Variants in CFAP58 observed in about 807,000 individuals in gnomAD.
CFAP58 encodes cilia- and flagella-associated protein 58.
A neutral mutation model predicts 119.5 loss-of-function variants in CFAP58; 88 were observed. The observed-to-expected ratio is 0.74, with a 90% CI of 0.62 to 0.88. The LOEUF (loss-of-function observed/expected upper bound fraction) is 0.88. Ranked by LOEUF, CFAP58 falls within the 40% of genes least tolerant of loss-of-function variation. CFAP58 has a pLI of 0.00. For synonymous variants in CFAP58, 365 were observed against 366.3 expected, an observed-to-expected ratio of 1.00 and a Z score of 0.04; for missense variants, 990 against 1,021.2, an observed-to-expected ratio of 0.97 and a Z score of 0.42.
chr10:104,449,677 G>A (rs1413209456), intron 16 of CFAP58, among the ~76,000 whole-genome samples: 2 of 152,260 alleles, frequency 1.3e-5, no homozygotes, highest in East Asian at 1.9e-4. Flanking sequence ...ACACACTCTG[G>A]TGATGTTTTT....
At chr10:104,361,975 C>G in intron 2 of CFAP58, 48 bp from the exon 3 acceptor site, 3 of 1,575,872 alleles carry the variant, frequency 1.9e-6, no homozygotes, top group Non-Finnish European at 2.6e-6. Flanking sequence ...TATCTTGCAT[C>G]TAGAATCCAG....
chr10:104,384,055 C>T (rs551787966), intron 9 of CFAP58, among the ~76,000 whole-genome samples: 12 of 152,102 alleles, frequency 7.9e-5, no homozygotes, highest in South Asian at 4.2e-4. Flanking sequence ...ATCAGCCCCC[C>T]GAAAGGTTAA....
intron 1 of CFAP58, among the ~76,000 whole-genome samples, chr10:104,355,256 T>C (rs1274083691): frequency 6.6e-6 from 1 of 152,240 alleles, no homozygotes; most frequent in East Asian, 1.9e-4. Flanking sequence ...CAGTCATCTT[T>C]GTTTATTTCA....
intron 15 of CFAP58, among the ~76,000 whole-genome samples, chr10:104,419,819 A>C (rs1211256340): frequency 6.6e-6 from 1 of 152,144 alleles, no homozygotes; most frequent in East Asian, 1.9e-4. Context: ...CAAACACTAC[A>C]TTGTTACCTA....
the CFAP58 span, among the ~76,000 whole-genome samples, chr10:104,342,844 C>CAAA: frequency 0.011 from 540 of 48,502 alleles, 38 homozygotes; most frequent in African/African-American, 0.036. Flanking sequence ...GACCCTGTAT[C>CAAA]AAAAAAAAAA....
intron 15 of CFAP58, among the ~76,000 whole-genome samples, chr10:104,432,606 A>C (rs570310215): frequency 1.3e-5 from 2 of 152,082 alleles, no homozygotes; most frequent in Non-Finnish European, 2.9e-5. Context: ...GGGTTCAAAC[A>C]ATTCTCCTGC....
At chr10:104,391,497 A>T (rs1260335906) in intron 9 of CFAP58, among the ~76,000 whole-genome samples, 1 of 152,144 alleles carries the variant, frequency 6.6e-6, no homozygotes, top group Non-Finnish European at 1.5e-5. Context: ...CTTCTTAAGG[A>T]CTTTTTAAAG....
In CFAP58 at chr10:104,370,985, G is replaced by T. The variant is rs201674161; in HGVS notation, c.1021G>T (p.Glu341Ter). ...AATTCATAAGAAATTGCACCACACC[G>T]AAGATCAAAAGGCAGAAGTCGAACA... ...EQIHKKLHHT[E>*]DQKAEVEQHK... The change falls in exon 7 of 18, where the codon GAA becomes TAA. Residue 341 changes from glutamate (E) to a stop codon, truncating the protein, a stop_gained. Transcript: ENST00000369704. LOFTEE classifies it high-confidence loss of function. 2.5e-6 allele frequency: 4 copies of T among 1,613,370 alleles called. No individual in the cohort carries two copies. In the African/African-American group the frequency reaches 5.3e-5, roughly 22 times the overall value.
rs141893563 is a variant in CFAP58, at chr10:104,441,239, G to A, written c.2257-6459G>A. Among the ~76,000 whole-genome samples the A allele has an allele frequency of 8.5e-5, 13 of 152,330 alleles. No homozygotes were observed. In the East Asian group the frequency reaches 1.7e-3, roughly 20 times the overall value. On this transcript the variant is annotated intron_variant, in intron 15 of 17. Coordinates refer to ENST00000369704, the MANE Select transcript of CFAP58 (RefSeq NM_001008723.2). ...GCTGGTCTCAAACTCCTGATCTCGA[G>A]TGATTTGCCTGCATCGGCCTCCCAA...
chr10:104,358,612 C>T lies in CFAP58; in HGVS notation c.281C>T (p.Ser94Phe), dbSNP rs550239335. ...LSQDDQTTIASLKKEIEKAWK... is the reference protein window; with the variant it reads ...LSQDDQTTIAFLKKEIEKAWK... ...CAGGATGATCAGACCACCATTGCATCCCTAAAGAAGGTCAGTGATCTTCTA... is the reference window on the plus strand; with the variant it reads ...CAGGATGATCAGACCACCATTGCATTCCTAAAGAAGGTCAGTGATCTTCTA... The change falls in exon 2 of 18, where the codon TCC (serine) becomes TTC (phenylalanine). Residue 94 changes from serine to phenylalanine, a missense_variant. By Grantham distance (155) the Ser-to-Phe change is radical. Coordinates refer to ENST00000369704, the MANE Select transcript of CFAP58 (RefSeq NM_001008723.2). The T allele has an allele frequency of 2.5e-6, 4 of 1,608,834 alleles. No homozygotes were observed. Among genetic ancestry groups the T allele is most frequent in the South Asian group, 2.2e-5 (2 of 90,674 alleles).
chr10:104,407,946 T>C (rs1332329693), intron 15 of CFAP58, among the ~76,000 whole-genome samples: 5 of 152,224 alleles, frequency 3.3e-5, no homozygotes, highest in African/African-American at 1.2e-4. Context: ...TCTGCCTGCC[T>C]TGGCCTCCCA....
the CFAP58 span, among the ~76,000 whole-genome samples, chr10:104,348,082 C>A: frequency 5.3e-5 from 8 of 151,082 alleles, no homozygotes; most frequent in East Asian, 1.5e-3. Flanking sequence ...CCACCTTGAC[C>A]CATCAGCTGT....
chr10:104,358,422 T>C lies in CFAP58; in HGVS notation c.91T>C (p.Ser31Pro). 6.2e-7 allele frequency: 1 copy of C among 1,614,062 alleles called. No individual in the cohort carries two copies. The highest frequency in any genetic ancestry group is 8.5e-7 in the Non-Finnish European group (1 of 1,179,976). The change falls in exon 2 of 18, where the codon TCT becomes CCT. Residue 31 changes from serine to proline, a missense_variant. Transcript: ENST00000369704. ...RDFQGVLHEL[S>P]GDKSLEKFRI... ...TTTTCAGGGAGTTCTCCATGAACTT[T>C]CTGGAGACAAAAGTTTGGAAAAATT...
intron 15 of CFAP58, among the ~76,000 whole-genome samples, chr10:104,411,805 T>A (rs904400212): frequency 8.5e-5 from 13 of 152,164 alleles, no homozygotes; most frequent in African/African-American, 2.9e-4. Flanking sequence ...GATAGTTAGG[T>A]TTCCTTGTGG....
At chr10:104,421,432 G>A (rs1199197478) in intron 15 of CFAP58, among the ~76,000 whole-genome samples, 1 of 152,202 alleles carries the variant, frequency 6.6e-6, no homozygotes, top group Non-Finnish European at 1.5e-5. Context: ...CTGCCTATGT[G>A]CTGAAGTTCT....
intron 3 of CFAP58, among the ~76,000 whole-genome samples, chr10:104,363,165 T>C (rs1336143340): frequency 6.6e-6 from 1 of 152,172 alleles, no homozygotes; most frequent in Non-Finnish European, 1.5e-5. Context: ...AACATTTACC[T>C]CCAGTATGGC....
intron 3 of CFAP58, among the ~76,000 whole-genome samples, chr10:104,363,123 A>G (rs560977699): frequency 1.3e-5 from 2 of 152,322 alleles, no homozygotes; most frequent in South Asian, 4.1e-4. Context: ...ACCACACAGA[A>G]AGTCACTATG....
chr10:104,364,075 A>G (rs2014707328), intron 3 of CFAP58, among the ~76,000 whole-genome samples: 2 of 152,196 alleles, frequency 1.3e-5, no homozygotes, highest in Non-Finnish European at 2.9e-5. Context: ...GATTTTCCCA[A>G]TTTTGTTCTT....
intron 9 of CFAP58, among the ~76,000 whole-genome samples, chr10:104,387,804 T>C (rs2133024441): frequency 6.6e-6 from 1 of 152,310 alleles, no homozygotes; most frequent in East Asian, 1.9e-4. Flanking sequence ...TCATTTCAAA[T>C]ATTAAACTTC....
Sources: gnomAD v4.1 joint callset for allele counts (sites outside exome capture counted in the v4.1 genomes callset) on GRCh38, gnomAD v4.1.1 for gene constraint, MANE v1.5 for transcripts, NCBI Gene and HGNC (gene_info 2026-07-23, HGNC 2026-07-21) for gene names.